Variants in OXR1 observed in about 807,000 individuals in gnomAD.
OXR1 encodes oxidation resistance 1, also known as oxidation resistance protein 1.
Under a neutral mutation model 104.6 loss-of-function variants are expected in OXR1, and 41 were observed. The ratio of observed to expected loss-of-function variants is 0.39; its 90% confidence interval spans 0.31 to 0.51. The LOEUF (loss-of-function observed/expected upper bound fraction) is 0.51. Among genes scored for constraint, OXR1 ranks in the 20% least tolerant of loss-of-function variants. The pLI, the probability that OXR1 is intolerant of heterozygous loss-of-function variation, is 0.77. For synonymous variants in OXR1, 348 were observed against 348.4 expected, an observed-to-expected ratio of 1.00 and a Z score of 0.01; for missense variants, 955 against 1,031.9, an observed-to-expected ratio of 0.93 and a Z score of 1.02.
At position 106,398,093 on chromosome 8, in the gene OXR1, C is replaced by A. The variant is rs193016626; in HGVS notation, c.23+38457C>A. On this transcript the variant is annotated intron_variant, in intron 2 of 16. Transcript: ENST00000517566. The stretch of plus-strand genomic sequence containing the variant: ...CCAAATTCTGCTTTTATAAGGACAC[C>A]AGTCATATTGGATTAGGGCTTACCT... Among the ~76,000 whole-genome samples, 3 of 152,132 alleles carry A rather than the reference C, an allele frequency of 2.0e-5. No individual in the cohort carries two copies. In the East Asian group the frequency reaches 5.8e-4, roughly 29 times the overall value.
chr8:106,379,871 C>G (rs1039587987), intron 2 of OXR1, among the ~76,000 whole-genome samples: 1 of 151,964 alleles, frequency 6.6e-6, no homozygotes, highest in African/African-American at 2.4e-5. Context: ...GTTTAAAGTA[C>G]TTGAAAAGGA....
intron 3 of OXR1, chr8:106,657,895 T>G (rs1432690448): frequency 9.7e-5 from 121 of 1,245,534 alleles, no homozygotes; most frequent in Non-Finnish European, 1.1e-4. Context: ...CTGGGTCAGG[T>G]CTGATGGGCC....
intron 11 of OXR1, among the ~76,000 whole-genome samples, chr8:106,736,166 C>CCA (rs770002875): frequency 4.0e-5 from 1 of 25,042 alleles, no homozygotes; most frequent in African/African-American, 4.3e-4. Flanking sequence ...TTATCTGACA[C>CCA]CCCCCCCCAT....
chr8:106,531,812 TTCTC>T (rs1184757154), intron 3 of OXR1, among the ~76,000 whole-genome samples: 1 of 152,186 alleles, frequency 6.6e-6, no homozygotes, highest in Non-Finnish European at 1.5e-5. Context: ...CTTTAAATAA[TTCTC>T]TCAAGTTGCA....
chr8:106,478,612 G>C (rs555960667), intron 2 of OXR1, among the ~76,000 whole-genome samples: 1 of 151,912 alleles, frequency 6.6e-6, no homozygotes, highest in South Asian at 2.1e-4. Context: ...ACTGGACTTA[G>C]TTAAATCCAG....
chr8:106,306,445 G>A (rs768613745), intron 1 of OXR1, among the ~76,000 whole-genome samples: 1 of 151,718 alleles, frequency 6.6e-6, no homozygotes, highest in Non-Finnish European at 1.5e-5. Flanking sequence ...TTTACCAAAA[G>A]CAAATGGAAA....
chr8:106,468,534 A>G (rs1369852209), intron 2 of OXR1, among the ~76,000 whole-genome samples: 1 of 151,834 alleles, frequency 6.6e-6, no homozygotes, highest in Non-Finnish European at 1.5e-5. Context: ...AAGTATGTCA[A>G]CGTGGTGGAA....
chr8:106,729,443 C>G (rs537217559), intron 11 of OXR1, among the ~76,000 whole-genome samples: 1 of 151,894 alleles, frequency 6.6e-6, no homozygotes. Context: ...TAAAGTATTT[C>G]CATTTGAAGA....
chr8:106,453,087 A>C (rs917462457), intron 2 of OXR1, among the ~76,000 whole-genome samples: 2 of 152,136 alleles, frequency 1.3e-5, no homozygotes, highest in Non-Finnish European at 1.5e-5. Context: ...AGAATGTACA[A>C]TGACTTCCTT....
chr8:106,724,517 G>T (rs1006645023), intron 11 of OXR1, among the ~76,000 whole-genome samples: 3 of 152,196 alleles, frequency 2.0e-5, no homozygotes, highest in African/African-American at 7.2e-5. Flanking sequence ...GTTGTTTCTC[G>T]AAGTGTAGTT....
chr8:106,446,768 T>C (rs1820027139), intron 2 of OXR1, among the ~76,000 whole-genome samples: 1 of 151,372 alleles, frequency 6.6e-6, no homozygotes, highest in African/African-American at 2.4e-5. Flanking sequence ...TCATCTTTAC[T>C]GAAAAATACA....
intron 1 of OXR1, among the ~76,000 whole-genome samples, chr8:106,328,825 G>C (rs1284092657): frequency 1.3e-5 from 2 of 152,206 alleles, no homozygotes; most frequent in African/African-American, 4.8e-5. Flanking sequence ...AGAGTCAATA[G>C]TTAGCAACTG....
At chr8:106,717,584 T>C (rs1832391213) in intron 11 of OXR1, among the ~76,000 whole-genome samples, 1 of 152,204 alleles carries the variant, frequency 6.6e-6, no homozygotes, top group Non-Finnish European at 1.5e-5. Flanking sequence ...TATGATAAAT[T>C]TGGTAAACTT....
intron 2 of OXR1, among the ~76,000 whole-genome samples, chr8:106,491,102 A>G (rs1210027697): frequency 1.3e-5 from 2 of 152,156 alleles, no homozygotes; most frequent in African/African-American, 4.8e-5. Flanking sequence ...GCTCCGCTCA[A>G]TATGCAGGCA....
chr8:106,710,053 T>C (rs1831540364), intron 9 of OXR1, among the ~76,000 whole-genome samples: 1 of 152,146 alleles, frequency 6.6e-6, no homozygotes, highest in South Asian at 2.1e-4. Flanking sequence ...CTCAGTATAC[T>C]CTATCAGCAC....
intron 1 of OXR1, among the ~76,000 whole-genome samples, chr8:106,279,703 C>G (rs1812199018): frequency 6.6e-6 from 1 of 152,112 alleles, no homozygotes; most frequent in Non-Finnish European, 1.5e-5. Flanking sequence ...CTGGAACTTA[C>G]TAATAGTAGT....
chr8:106,294,636 AAAC>A (rs559865490), intron 1 of OXR1, among the ~76,000 whole-genome samples: 7 of 151,984 alleles, frequency 4.6e-5, no homozygotes, highest in Non-Finnish European at 7.4e-5. Context: ...GAAAGGTGCC[AAAC>A]ACTTTTAAAT....
rs3044299 is a variant in OXR1 at position 106,286,373 on chromosome 8, GTTT to G, written c.-139+16021_-139+16023del. On this transcript the variant is annotated intron_variant, in intron 1 of 16. Coordinates refer to ENST00000517566, the MANE Select transcript of OXR1 (RefSeq NM_001198533.2). ...TCTATTTAAGCTAATTTAAGTTAGG[GTTT>G]TTTTTTTTTTTTTTCAATGAAAAGA... is the stretch of plus-strand genomic sequence containing the variant. 6.0e-3 allele frequency among the ~76,000 whole-genome samples: 826 copies of G among 138,152 alleles called. 14 individuals carry two copies. Among genetic ancestry groups the G allele is most frequent in the South Asian group, 0.029 (126 of 4,336 alleles). 90.6% of individuals were successfully genotyped at this position (138,152 alleles called of 152,430 possible).
intron 3 of OXR1, among the ~76,000 whole-genome samples, chr8:106,590,275 T>TTG (rs1818974053): frequency 6.6e-6 from 1 of 151,754 alleles, no homozygotes; most frequent in Non-Finnish European, 1.5e-5. Flanking sequence ...GTTTTTGGTT[T>TTG]TTGTTGTTGT....
Sources: allele counts gnomAD v4.1 joint callset (sites outside exome capture counted in the v4.1 genomes callset), GRCh38; gene constraint gnomAD v4.1.1; transcripts MANE v1.5; gene names NCBI Gene and HGNC (gene_info 2026-07-23, HGNC 2026-07-21).